Variants in DCD observed in about 807,000 individuals in gnomAD.
DCD encodes the protein diffusible survival/evasion peptide.
In DCD, 17 loss-of-function variants were observed where a neutral mutation model predicts 14.5. The ratio of observed to expected loss-of-function variants is 1.18; its 90% CI spans 0.81 to 1.76. The LOEUF is 1.76. Among genes scored for constraint, DCD ranks in the 40% most tolerant of loss-of-function variants. DCD has a pLI of 0.00. For synonymous variants in DCD, 64 were observed against 54.0 expected, an observed-to-expected ratio of 1.19 and a Z score of -0.82; for missense variants, 139 against 133.4, an observed-to-expected ratio of 1.04 and a Z score of -0.21.
intron 3 of DCD, 68 bp from the exon 4 acceptor site, chr12:54,645,330 C>T (rs978305181): frequency 6.1e-6 from 9 of 1,478,782 alleles, no homozygotes; most frequent in Non-Finnish European, 7.6e-6. Flanking sequence ...GGAGAGCTCC[C>T]CCGCTTCCTA....
chr12:54,647,559 C>A (rs753587509), intron 1 of DCD, among the ~76,000 whole-genome samples: 1 of 152,174 alleles, frequency 6.6e-6, no homozygotes, highest in African/African-American at 2.4e-5. Context: ...GACCTTCCCT[C>A]CATTTCTTTA....
chr12:54,646,234 C>T (rs1410324147), intron 2 of DCD: 1 of 439,310 alleles, frequency 2.3e-6, no homozygotes, highest in Non-Finnish European at 4.6e-6. Context: ...CCGGTGTTCC[C>T]TCTGGGCTTT....
At chr12:54,645,528 T>A in intron 3 of DCD, 78 bp downstream of exon 3, 6 of 1,328,720 alleles carry the variant, frequency 4.5e-6, no homozygotes, top group Non-Finnish European at 6.4e-6. Flanking sequence ...CTTGTGCCTG[T>A]GAGGGCAGAC....
intron 3 of DCD, 115 bp downstream of exon 3, chr12:54,645,491 G>A: frequency 2.0e-6 from 2 of 1,009,602 alleles, no homozygotes; most frequent in Non-Finnish European, 3.0e-6. Context: ...CCCTCCCTAG[G>A]AATATGGGTG....
Position 54,647,027 on chromosome 12 carries a change from A to AC in DCD, c.97+93dup, listed in dbSNP as rs1366027438. The AC allele has an allele frequency of 5.0e-5, 66 of 1,331,372 alleles. 1 individual carries two copies. The highest frequency in any genetic ancestry group is 6.7e-5 in the Non-Finnish European group (65 of 976,474). 82.5% of individuals were successfully genotyped at this position (1,331,372 alleles called of 1,614,324 possible). On this transcript the variant is annotated intron_variant, in intron 2 of 4. Transcript: ENST00000293371. ...CGGCCTCCCAACTCTCCTTCCCCGG[A>AC]CCCCCCTTCTGCTTCTCTGACTTCC... is the stretch of plus-strand genomic sequence containing the variant.
chr12:54,646,420 A>G (rs1301873766), intron 2 of DCD, among the ~76,000 whole-genome samples: 2 of 152,106 alleles, frequency 1.3e-5, no homozygotes, highest in Non-Finnish European at 2.9e-5. Context: ...ACAGTCTAGG[A>G]AAAGAGACAA....
Position 54,645,094 on chromosome 12 carries a change from G to A in DCD, c.289+79C>T, listed in dbSNP as rs553784242. 2.0e-5 allele frequency: 30 copies of A among 1,522,006 alleles called. No homozygotes were observed. In the African/African-American group the frequency reaches 2.3e-4, roughly 12 times the overall value. 94.3% of individuals were successfully genotyped at this position (1,522,006 alleles called of 1,614,324 possible). A position where few individuals can be genotyped will look rare whatever the true frequency, so the allele number is the denominator to read the frequency against. On this transcript the variant is annotated intron_variant, in intron 4 of 4. Transcript: ENST00000293371. ...CAAAGTGAGGGGTCTTCAATGGGGG[G>A]GCTGTGGCAGTTTCAGATCTCATGC...
At chr12:54,646,973 A>G in intron 2 of DCD, 148 bp downstream of exon 2, 1 of 705,634 alleles carries the variant, frequency 1.4e-6, no homozygotes, top group Non-Finnish European at 2.3e-6. Flanking sequence ...TCTCTCAGGA[A>G]GTCTCCCTTC....
At chr12:54,645,059 T>A in intron 4 of DCD, 114 bp downstream of exon 4, 2 of 1,486,336 alleles carry the variant, frequency 1.3e-6, no homozygotes, top group South Asian at 2.3e-5. Flanking sequence ...ATTGGAGACA[T>A]TTGAAAGCAC....
rs199541255 is a variant in DCD at position 54,644,751 on chromosome 12, C to T, written c.295G>A (p.Val99Ile). 3.2e-5 allele frequency: 51 copies of T among 1,604,394 alleles called. No individual in the cohort carries two copies. Among genetic ancestry groups the T allele is most frequent in the Admixed American group, 1.5e-4 (9 of 59,210 alleles). The change falls in exon 5 of 5, where the codon GTC (valine) becomes ATC (isoleucine). Residue 99 changes from valine (V) to isoleucine (I), a missense_variant. Val to Ile is a conservative substitution (Grantham distance 29, BLOSUM62 3). Transcript: ENST00000293371. Reference sequence around the variant, plus strand: ...TCAAGGACGTCTTTAACGTCATGGACGGCTCCTAGGACAGCCACAGAAAAA... The same window carrying T: ...TCAAGGACGTCTTTAACGTCATGGATGGCTCCTAGGACAGCCACAGAAAAA... The part of the protein sequence containing the change: ...EDLESVGKGA[V>I]HDVKDVLDSV...
chr12:54,645,736 A>G (rs1958255211), intron 2 of DCD, 29 bp from the exon 3 acceptor site: 2 of 1,584,276 alleles, frequency 1.3e-6, no homozygotes, highest in Non-Finnish European at 1.7e-6. Flanking sequence ...GAGAGGAATA[A>G]TAGCTATTTC....
At chr12:54,647,299 A>T in intron 1 of DCD, 140 bp from the exon 2 acceptor site, 1 of 737,190 alleles carries the variant, frequency 1.4e-6, no homozygotes, top group Non-Finnish European at 2.2e-6. Flanking sequence ...TCTGCTTCAC[A>T]AGGGGCCCAC....
chr12:54,645,021 A>G (rs1958246083), intron 4 of DCD, 152 bp downstream of exon 4: 12 of 1,503,314 alleles, frequency 8.0e-6, no homozygotes, highest in Non-Finnish European at 1.1e-5. Flanking sequence ...ATATCAGACA[A>G]GAATGGCAAT....
chr12:54,645,310 T>G (rs1193708228), intron 3 of DCD, 48 bp from the exon 4 acceptor site: 1 of 1,574,716 alleles, frequency 6.4e-7, no homozygotes, highest in Admixed American at 1.7e-5. Context: ...GAAAAACTAC[T>G]TCCTTTGTAG....
chr12:54,645,882 T>C, intron 2 of DCD, 175 bp from the exon 3 acceptor site: 1 of 597,262 alleles, frequency 1.7e-6, no homozygotes, highest in Non-Finnish European at 3.0e-6. Flanking sequence ...TCCCTCAAGC[T>C]TTTTCCTGCT....
At chr12:54,644,868 G>T in intron 4 of DCD, 112 bp from the exon 5 acceptor site, 1 of 1,540,988 alleles carries the variant, frequency 6.5e-7, no homozygotes, top group Non-Finnish European at 8.8e-7. Flanking sequence ...GGGAAGGGAG[G>T]CCTGGAGGTG....
chr12:54,645,789 C>T (rs558776736), intron 2 of DCD, 82 bp from the exon 3 acceptor site: 3 of 1,180,084 alleles, frequency 2.5e-6, no homozygotes, highest in Non-Finnish European at 2.5e-6. Context: ...GCTTTTACCC[C>T]CTCAAGGTCT....
At chr12:54,645,990 G>A (rs1323723004) in intron 2 of DCD, 3 of 485,522 alleles carry the variant, frequency 6.2e-6, no homozygotes, top group Middle Eastern at 6.2e-4. Context: ...TCACCTTAAA[G>A]AGACTCCCCC....
chr12:54,644,780 G>T, intron 4 of DCD, 24 bp from the exon 5 acceptor site: 1 of 1,594,688 alleles, frequency 6.3e-7, no homozygotes, highest in Non-Finnish European at 8.6e-7. Flanking sequence ...AGAAAAAAAT[G>T]GGGTAAAGGG....
Sources: gnomAD v4.1 joint callset for allele counts (sites outside exome capture counted in the v4.1 genomes callset) on GRCh38, gnomAD v4.1.1 for gene constraint, MANE v1.5 for transcripts, NCBI Gene and HGNC (gene_info 2026-07-23, HGNC 2026-07-21) for gene names.